The following RHCE variants were observed in gnomAD, a reference collection of about 807,000 sequenced individuals.
RHCE encodes Rh blood group CcEe antigens.
RHCE carries 22 observed loss-of-function variants against 43.8 expected under a neutral mutation model. The observed-to-expected ratio is 0.50, with a 90% CI of 0.36 to 0.72. RHCE has a LOEUF of 0.72. Ranked by LOEUF, RHCE falls within the 30% of genes least tolerant of loss-of-function variation. The pLI is 0.00. For missense variants in RHCE, 385 were observed against 525.4 expected, an observed-to-expected ratio of 0.73 and a Z score of 2.61; for synonymous variants, 156 against 210.7, an observed-to-expected ratio of 0.74 and a Z score of 2.25.
intron 1 of RHCE, among the ~76,000 whole-genome samples, chr1:25,413,906 TA>T (rs1647188761): frequency 6.7e-6 from 1 of 149,892 alleles, no homozygotes; most frequent in Non-Finnish European, 1.5e-5. Context: ...ATATATAGCG[TA>T]ACGGTGATGA....
chr1:25,424,357 T>G (rs1351544388), upstream of RHCE, among the ~76,000 whole-genome samples: 1 of 151,792 alleles, frequency 6.6e-6, no homozygotes, highest in African/African-American at 2.4e-5. Flanking sequence ...ACCATCCCCT[T>G]CTCAGGGAAG....
At chr1:25,411,420 C>A (rs1171965724) in intron 1 of RHCE, 2 of 1,550,214 alleles carry the variant, frequency 1.3e-6, no homozygotes, top group African/African-American at 1.4e-5. Context: ...CAGAAAAAGT[C>A]TTTGATTTAT....
At chr1:25,425,398 T>TG (rs2042798024), upstream of RHCE, among the ~76,000 whole-genome samples, 1 of 152,172 alleles carries the variant, frequency 6.6e-6, no homozygotes, top group Non-Finnish European at 1.5e-5. Flanking sequence ...AGAGGTGGCG[T>TG]GAGTACCCAA....
chr1:25,370,541 C>T lies in RHCE; in HGVS notation c.1154-1G>A. The T allele has an allele frequency of 1.2e-6, 2 of 1,607,328 alleles. No individual in the cohort carries two copies. Among genetic ancestry groups the T allele is most frequent in the Non-Finnish European group, 1.7e-6 (2 of 1,175,054 alleles). On this transcript the variant is annotated splice_acceptor_variant, in intron 8 of 9. Transcript: ENST00000294413. LOFTEE classifies it high-confidence loss of function. ...CATATTTTGAGATTTAGGAGCAAAC[C>T]TGTTTAAATGCATAATTTAATGTTA...
At chr1:25,377,082 A>C (rs28579192) in intron 7 of RHCE, among the ~76,000 whole-genome samples, 12,076 of 151,936 alleles carry the variant, frequency 0.079, 1,494 homozygotes, top group African/African-American at 0.27. Flanking sequence ...CTTTGTATAT[A>C]TTCAATAGTT....
At position 25,401,455 on chromosome 1, in the gene RHCE, C is replaced by A. The variant is rs539843680; in HGVS notation, c.486+1141G>T. Among the ~76,000 whole-genome samples, 194 of 152,284 alleles carry A rather than the reference C, an allele frequency of 1.3e-3. 1 individual carries two copies. The highest frequency in any genetic ancestry group is 4.6e-3 in the African/African-American group (192 of 41,568). On this transcript the variant is annotated intron_variant, in intron 3 of 9. Coordinates refer to ENST00000294413, the MANE Select transcript of RHCE (RefSeq NM_020485.8). ...CTTGCTATGTGATCTTGGGCAGTCC[C>A]TTCCCCTCTCCAGGCATCAGCCTTC...
At position 25,385,813 on chromosome 1, in the gene RHCE, T is replaced by C; in HGVS notation, c.971A>G (p.His324Arg). The C allele has an allele frequency of 6.2e-7, 1 of 1,614,028 alleles. No individual in the cohort carries two copies. Among genetic ancestry groups the C allele is most frequent in the Non-Finnish European group, 8.5e-7 (1 of 1,180,016 alleles). ...VCCNRVLGIH[H>R]ISVMHSIFSL... is the part of the protein sequence containing the mutation. ...GAAGATGGAGTGCATGACGGAGATG[T>C]GGTGAATCCCCAGCACTCGGTTACA... The change falls in exon 7 of 10, where the codon CAC becomes CGC. Residue 324 changes from histidine (H) to arginine (R), a missense_variant. Physicochemically the swap from His to Arg is conservative, Grantham distance 29. Coordinates refer to ENST00000294413, the MANE Select transcript of RHCE (RefSeq NM_020485.8).
intron 3 of RHCE, among the ~76,000 whole-genome samples, chr1:25,402,206 G>GTCTATCTATCTATCTA (rs56985100): frequency 1.9e-3 from 248 of 130,462 alleles, no homozygotes; most frequent in East Asian, 4.6e-3. Flanking sequence ...CTGTCTGTCT[G>GTCTATCTATCTATCTA]TCTATCTATC....
At chr1:25,396,309 A>T (rs1200269932) in intron 3 of RHCE, among the ~76,000 whole-genome samples, 2 of 152,184 alleles carry the variant, frequency 1.3e-5, no homozygotes, top group Non-Finnish European at 2.9e-5. Context: ...AAAAATATGT[A>T]TTTTTTTCTA....
intron 6 of RHCE, among the ~76,000 whole-genome samples, chr1:25,388,266 T>G: frequency 7.6e-6 from 1 of 131,300 alleles, no homozygotes; most frequent in Admixed American, 8.3e-5. Flanking sequence ...TTATAACCAA[T>G]TGGCTATAAT....
chr1:25,388,110 T>C (rs1646241653), intron 6 of RHCE, among the ~76,000 whole-genome samples: 2 of 150,410 alleles, frequency 1.3e-5, no homozygotes, highest in African/African-American at 4.9e-5. Context: ...CCAGCCAGTT[T>C]TTCCTAATTT....
intron 3 of RHCE, among the ~76,000 whole-genome samples, chr1:25,397,513 A>T (rs1481964262): frequency 6.6e-6 from 1 of 150,466 alleles, no homozygotes; most frequent in Non-Finnish European, 1.5e-5. Context: ...AAAAAAAAAA[A>T]CTTCCCATAT....
At chr1:25,404,271 T>C (rs1176494265) in intron 2 of RHCE, among the ~76,000 whole-genome samples, 1 of 150,390 alleles carries the variant, frequency 6.6e-6, no homozygotes, top group Non-Finnish European at 1.5e-5. Flanking sequence ...TAAAATGGAC[T>C]TTTTGGAAAC....
intron 7 of RHCE, among the ~76,000 whole-genome samples, chr1:25,376,685 C>T (rs1462652061): frequency 5.3e-5 from 8 of 152,068 alleles, no homozygotes; most frequent in Non-Finnish European, 1.0e-4. Context: ...GAGGCCGAGG[C>T]GGGTGGATCA....
chr1:25,415,235 T>C (rs1647294024), intron 1 of RHCE, among the ~76,000 whole-genome samples: 2 of 152,112 alleles, frequency 1.3e-5, no homozygotes, highest in Admixed American at 1.3e-4. Context: ...TCACAGGTCA[T>C]CCAGACCAGT....
intron 3 of RHCE, among the ~76,000 whole-genome samples, chr1:25,393,992 T>G (rs944142675): frequency 6.6e-6 from 1 of 152,142 alleles, no homozygotes; most frequent in Non-Finnish European, 1.5e-5. Flanking sequence ...TTTTATTTAT[T>G]TATTTATTTA....
rs989176969 is a variant in RHCE at position 25,377,418 on chromosome 1, G to A, written c.1074-1990C>T. 5.3e-5 allele frequency among the ~76,000 whole-genome samples: 8 copies of A among 152,002 alleles called. No homozygotes were observed. In the East Asian group the frequency reaches 5.8e-4, roughly 11 times the overall value. The stretch of plus-strand genomic sequence containing the variant: ...TCACCATGTTGGCCAGGATGATCTC[G>A]ATCTCTTGACCTTGTGATCTGCCAG... On this transcript the variant is annotated intron_variant, in intron 7 of 9. Coordinates refer to ENST00000294413, the MANE Select transcript of RHCE (RefSeq NM_020485.8).
upstream of RHCE, among the ~76,000 whole-genome samples, chr1:25,424,612 T>C (rs1287167141): frequency 6.6e-6 from 1 of 152,002 alleles, no homozygotes; most frequent in African/African-American, 2.4e-5. Flanking sequence ...GGTCTTGAAC[T>C]CCTGACCTCA....
intron 3 of RHCE, among the ~76,000 whole-genome samples, chr1:25,393,138 A>G (rs1646432885): frequency 6.6e-6 from 1 of 152,208 alleles, no homozygotes; most frequent in South Asian, 2.1e-4. Context: ...GAAAGCTGTC[A>G]GCTGTGCTTT....
Sources: allele counts gnomAD v4.1 joint callset (sites outside exome capture counted in the v4.1 genomes callset), GRCh38; gene constraint gnomAD v4.1.1; transcripts MANE v1.5; gene names NCBI Gene and HGNC (gene_info 2026-07-23, HGNC 2026-07-21).